Variants in PLEKHM3 observed in about 807,000 individuals in gnomAD.
The protein encoded by PLEKHM3 is pleckstrin homology domain-containing family M member 3.
PLEKHM3 carries 45 observed loss-of-function variants against 81.8 expected under a neutral mutation model. That is an observed-to-expected ratio of 0.55 (90% confidence interval 0.43 to 0.71). The LOEUF is 0.71. Among genes scored for constraint, PLEKHM3 ranks in the 30% least tolerant of loss-of-function variants. PLEKHM3 has a pLI of 0.00. For missense variants in PLEKHM3, 788 were observed against 924.3 expected (o/e 0.85, Z 1.91); for synonymous variants, 352 against 356.4 (o/e 0.99, Z 0.14).
intron 2 of PLEKHM3, 138 bp downstream of exon 2, chr2:208,000,892 G>A: frequency 3.7e-6 from 3 of 801,082 alleles, no homozygotes. Context: ...AGATTCTCAT[G>A]AGCCAGATTA....
chr2:207,952,522 G>A (rs1449982748), intron 3 of PLEKHM3, among the ~76,000 whole-genome samples: 1 of 152,126 alleles, frequency 6.6e-6, no homozygotes, highest in Admixed American at 6.6e-5. Context: ...CTAACCATTG[G>A]CTCATTAAGT....
chr2:207,910,972 G>A (rs1234710649), intron 5 of PLEKHM3, among the ~76,000 whole-genome samples: 1 of 152,196 alleles, frequency 6.6e-6, no homozygotes, highest in Non-Finnish European at 1.5e-5. Context: ...GGATGAGAAT[G>A]GTGATGCCAT....
chr2:207,972,613 A>G (rs1574457702), intron 3 of PLEKHM3, among the ~76,000 whole-genome samples: 1 of 151,466 alleles, frequency 6.6e-6, no homozygotes, highest in Non-Finnish European at 1.5e-5. Flanking sequence ...AAAGAAGACC[A>G]CTATGGCTGG....
At chr2:207,962,148 G>A (rs770268324) in intron 3 of PLEKHM3, among the ~76,000 whole-genome samples, 1 of 152,142 alleles carries the variant, frequency 6.6e-6, no homozygotes, top group African/African-American at 2.4e-5. Flanking sequence ...CAGAATGGGG[G>A]GTGGTCAACA....
At position 207,821,641 on chromosome 2, in the gene PLEKHM3, C is replaced by A. The variant is rs1301605484; in HGVS notation, c.*6678G>T. On this transcript the variant is annotated 3_prime_UTR_variant, in exon 8 of 8. Transcript: ENST00000427836. The stretch of plus-strand genomic sequence containing the variant: ...TAAGAAAAAATGGCATAGACCTGAC[C>A]CAGGAGCTACAGAACAAGTTTTGCA... 1.3e-5 allele frequency: 2 copies of A among 152,018 alleles called. No homozygotes were observed. Among genetic ancestry groups the A allele is most frequent in the Non-Finnish European group, 2.9e-5 (2 of 68,012 alleles). The allele number at this position is 152,018 out of a possible 1,614,324, so 9.4% of individuals were successfully genotyped here.
intron 2 of PLEKHM3, among the ~76,000 whole-genome samples, chr2:207,977,932 A>G (rs1691376565): frequency 6.6e-6 from 1 of 152,110 alleles, no homozygotes; most frequent in Non-Finnish European, 1.5e-5. Flanking sequence ...ATAAAAAATT[A>G]AAAAATTAGC....
intron 1 of PLEKHM3, among the ~76,000 whole-genome samples, chr2:208,015,977 T>C (rs1692898606): frequency 6.6e-6 from 1 of 152,138 alleles, no homozygotes; most frequent in Non-Finnish European, 1.5e-5. Flanking sequence ...GTGGATCACC[T>C]GAGGTGAGGA....
At chr2:207,909,130 T>C (rs957942797) in intron 5 of PLEKHM3, among the ~76,000 whole-genome samples, 6 of 152,208 alleles carry the variant, frequency 3.9e-5, no homozygotes, top group African/African-American at 1.4e-4. Context: ...TATCCTCTCA[T>C]ATGTACAGTG....
At chr2:207,835,286 C>T (rs1234830878) in intron 7 of PLEKHM3, among the ~76,000 whole-genome samples, 1 of 152,180 alleles carries the variant, frequency 6.6e-6, no homozygotes, top group Admixed American at 6.5e-5. Context: ...AATACTACTT[C>T]AATGGGGTAC....
chr2:208,005,028 G>A (rs988497141), intron 1 of PLEKHM3, among the ~76,000 whole-genome samples: 1 of 103,724 alleles, frequency 9.6e-6, no homozygotes, highest in Non-Finnish European at 2.5e-5. Context: ...GTTTCACCAT[G>A]TTGCCAGGCT....
Position 207,923,936 on chromosome 2 carries a change from T to C in PLEKHM3, c.1886+6990A>G, listed in dbSNP as rs189568541. 5.1e-5 allele frequency among the ~76,000 whole-genome samples: 6 copies of C among 117,764 alleles called. No individual in the cohort carries two copies. In the East Asian group the frequency reaches 1.3e-3, roughly 26 times the overall value. 77.3% of individuals were successfully genotyped at this position (117,764 alleles called of 152,430 possible). A position where few individuals can be genotyped will look rare whatever the true frequency, so the allele number is the denominator to read the frequency against. ...TTTTTTTTTTTTTTCTGAGGCGGAG[T>C]CTTGCTCTGCCTCCCAGGCTGGAGT... is the stretch of plus-strand genomic sequence containing the variant. On this transcript the variant is annotated intron_variant, in intron 5 of 7. Transcript: ENST00000427836.
intron 1 of PLEKHM3, among the ~76,000 whole-genome samples, chr2:208,002,678 C>T (rs1692350803): frequency 6.6e-6 from 1 of 152,092 alleles, no homozygotes; most frequent in Admixed American, 6.6e-5. Flanking sequence ...AGTTCCAAAC[C>T]TTACATCTCT....
intron 3 of PLEKHM3, among the ~76,000 whole-genome samples, chr2:207,966,235 T>C (rs1173794706): frequency 1.3e-5 from 2 of 152,260 alleles, no homozygotes. Flanking sequence ...TAAATCTCTA[T>C]CCTGCAGATG....
intron 2 of PLEKHM3, among the ~76,000 whole-genome samples, chr2:208,000,777 T>G (rs769101879): frequency 1.3e-5 from 2 of 152,188 alleles, no homozygotes; most frequent in Non-Finnish European, 2.9e-5. Flanking sequence ...ACCGTAATTG[T>G]CTTTTCACTA....
intron 6 of PLEKHM3, among the ~76,000 whole-genome samples, chr2:207,870,149 A>G (rs1257620756): frequency 6.6e-6 from 1 of 152,206 alleles, no homozygotes; most frequent in Non-Finnish European, 1.5e-5. Context: ...AAGGGCACAA[A>G]TGATTCTTTT....
intron 2 of PLEKHM3, among the ~76,000 whole-genome samples, chr2:207,991,822 G>A (rs1044739518): frequency 2.0e-5 from 3 of 152,162 alleles, no homozygotes; most frequent in Non-Finnish European, 4.4e-5. Flanking sequence ...TGTAGGTCCT[G>A]GATGACCCCA....
chr2:207,839,749 G>T (rs2092339738), intron 7 of PLEKHM3, among the ~76,000 whole-genome samples: 1 of 152,078 alleles, frequency 6.6e-6, no homozygotes, highest in Non-Finnish European at 1.5e-5. Context: ...AACATAGGGA[G>T]ATCCCATCTC....
At chr2:208,011,608 G>T (rs553874418) in intron 1 of PLEKHM3, among the ~76,000 whole-genome samples, 1 of 152,084 alleles carries the variant, frequency 6.6e-6, no homozygotes, top group Admixed American at 6.6e-5. Flanking sequence ...GGGACTTAGG[G>T]GGACAGGGTG....
At chr2:208,023,650 C>T (rs1436185563) in intron 1 of PLEKHM3, among the ~76,000 whole-genome samples, 3 of 152,144 alleles carry the variant, frequency 2.0e-5, no homozygotes, top group East Asian at 3.9e-4. Context: ...CTAACTAATG[C>T]CTAATGATCT....
Sources: allele counts gnomAD v4.1 joint callset (sites outside exome capture counted in the v4.1 genomes callset), GRCh38; gene constraint gnomAD v4.1.1; transcripts MANE v1.5; gene names NCBI Gene and HGNC (gene_info 2026-07-23, HGNC 2026-07-21).